CTNNA2: variants seen among roughly 807,000 people sequenced by gnomAD.
CTNNA2 encodes the protein catenin alpha 2, also known as catenin alpha-2.
In CTNNA2, 42 loss-of-function variants were observed where a neutral mutation model predicts 101.0. The ratio of observed to expected loss-of-function variants is 0.42; its 90% CI spans 0.32 to 0.54. The LOEUF is 0.54. Ranked by LOEUF, CTNNA2 falls within the 20% of genes least tolerant of loss-of-function variation. The pLI, the probability that CTNNA2 is intolerant of heterozygous loss-of-function variation, is 0.14. For missense variants in CTNNA2, 871 were observed against 1,223.1 expected, an observed-to-expected ratio of 0.71 and a Z score of 4.29; for synonymous variants, 450 against 456.4, an observed-to-expected ratio of 0.99 and a Z score of 0.18.
At chr2:79,957,204 A>T (rs1689298844) in intron 7 of CTNNA2, among the ~76,000 whole-genome samples, 1 of 152,158 alleles carries the variant, frequency 6.6e-6, no homozygotes, top group Non-Finnish European at 1.5e-5. Flanking sequence ...CAGCTTCTCC[A>T]AATCCCGATG....
At chr2:79,626,446 G>A (rs1048960978) in intron 1 of CTNNA2, among the ~76,000 whole-genome samples, 2 of 152,120 alleles carry the variant, frequency 1.3e-5, no homozygotes, top group Admixed American at 6.6e-5. Flanking sequence ...AAATTTCACC[G>A]TTCCGTTCAC....
chr2:79,994,398 C>T (rs1163789997), intron 7 of CTNNA2, among the ~76,000 whole-genome samples: 7 of 152,118 alleles, frequency 4.6e-5, no homozygotes, highest in African/African-American at 1.7e-4. Context: ...CGCTTGTTTC[C>T]TCTTTTCCCC....
intron 7 of CTNNA2, among the ~76,000 whole-genome samples, chr2:79,971,253 A>G (rs890619285): frequency 6.6e-6 from 1 of 152,004 alleles, no homozygotes; most frequent in Non-Finnish European, 1.5e-5. Flanking sequence ...CTCACCTTCC[A>G]CTCAAAAATA....
At chr2:79,500,863 C>G (rs1246274986) in intron 4 of CTNNA2, 1 of 152,196 alleles carries the variant, frequency 6.6e-6, no homozygotes, top group Non-Finnish European at 1.5e-5. Flanking sequence ...GGTTTCAGCA[C>G]TGTCTAAACT....
chr2:79,662,826 C>CT lies in CTNNA2; in HGVS notation c.102+11169dup, dbSNP rs200301399. On this transcript the variant is annotated intron_variant, in intron 2 of 18. Coordinates refer to ENST00000402739, the MANE Select transcript of CTNNA2 (RefSeq NM_001282597.3). ...TTTCTTTCATTCTGAAAACAAAACT[C>CT]TAAGTCTTTCTTGTAACATGGATAT... Among the ~76,000 whole-genome samples the CT allele has an allele frequency of 3.5e-3, 536 of 152,296 alleles. 12 individuals are homozygous for CT. In the East Asian group the frequency reaches 0.048, roughly 14 times the overall value.
intron 2 of CTNNA2, among the ~76,000 whole-genome samples, chr2:79,200,480 G>A (rs1188929810): frequency 6.6e-6 from 1 of 152,122 alleles, no homozygotes. Flanking sequence ...CACTTTTGGG[G>A]TTCCATAAGG....
intron 3 of CTNNA2, among the ~76,000 whole-genome samples, chr2:79,361,151 G>A (rs1351815437): frequency 6.6e-6 from 1 of 152,082 alleles, no homozygotes; most frequent in Non-Finnish European, 1.5e-5. Flanking sequence ...ATCCTATATT[G>A]AGATCTGCAG....
chr2:79,876,251 G>A (rs1683015844), intron 6 of CTNNA2, among the ~76,000 whole-genome samples: 2 of 152,000 alleles, frequency 1.3e-5, no homozygotes, highest in Admixed American at 1.3e-4. Context: ...CTAGAATAAA[G>A]AATGAATGAG....
intron 2 of CTNNA2, among the ~76,000 whole-genome samples, chr2:79,227,170 C>T (rs1049431999): frequency 6.6e-6 from 1 of 152,054 alleles, no homozygotes; most frequent in Non-Finnish European, 1.5e-5. Context: ...AGTTCATGCT[C>T]TTGACAGGGA....
At chr2:79,389,604 A>G (rs1317542346) in intron 4 of CTNNA2, among the ~76,000 whole-genome samples, 2 of 152,222 alleles carry the variant, frequency 1.3e-5, no homozygotes, top group African/African-American at 4.8e-5. Context: ...GAAGTTTTGT[A>G]TTCTCCCAAA....
At chr2:80,451,750 G>A (rs979575883) in intron 9 of CTNNA2, among the ~76,000 whole-genome samples, 3 of 152,094 alleles carry the variant, frequency 2.0e-5, no homozygotes, top group African/African-American at 7.2e-5. Flanking sequence ...AAATGTTTGA[G>A]TCTTATTTGG....
At chr2:79,204,373 A>G in intron 2 of CTNNA2, among the ~76,000 whole-genome samples, 1 of 151,864 alleles carries the variant, frequency 6.6e-6, no homozygotes, top group Non-Finnish European at 1.5e-5. Flanking sequence ...ATTTTTTTCT[A>G]CTCCTAATGT....
chr2:80,252,041 C>G (rs956535771), intron 7 of CTNNA2, among the ~76,000 whole-genome samples: 1 of 152,164 alleles, frequency 6.6e-6, no homozygotes, highest in Admixed American at 6.5e-5. Flanking sequence ...ACTTTTAAAA[C>G]TTTCTAGAGT....
chr2:80,282,811 A>G (rs1349278596), intron 7 of CTNNA2, among the ~76,000 whole-genome samples: 1 of 152,154 alleles, frequency 6.6e-6, no homozygotes, highest in Admixed American at 6.5e-5. Context: ...GCTTCTCTAG[A>G]TGAGTAGACC....
At chr2:80,378,021 A>C (rs1676129437) in intron 7 of CTNNA2, among the ~76,000 whole-genome samples, 1 of 152,102 alleles carries the variant, frequency 6.6e-6, no homozygotes, top group South Asian at 2.1e-4. Flanking sequence ...TCCCTGACAT[A>C]GTTTAAACTC....
At chr2:80,349,298 A>T (rs970774865) in intron 7 of CTNNA2, among the ~76,000 whole-genome samples, 2 of 152,182 alleles carry the variant, frequency 1.3e-5, no homozygotes. Context: ...CTTTGCTCCC[A>T]ATGGCTTCAT....
chr2:79,812,266 T>C (rs1044565913), intron 3 of CTNNA2, among the ~76,000 whole-genome samples: 5 of 152,160 alleles, frequency 3.3e-5, no homozygotes, highest in South Asian at 2.1e-4. Flanking sequence ...ACTTCCATTA[T>C]CATGGTGAAT....
chr2:79,976,470 A>G (rs749140880), intron 7 of CTNNA2, among the ~76,000 whole-genome samples: 1 of 152,222 alleles, frequency 6.6e-6, no homozygotes, highest in Non-Finnish European at 1.5e-5. Context: ...TGCTTTCTCT[A>G]GATGGCTGCA....
At chr2:79,432,216 T>C (rs1678666163) in intron 4 of CTNNA2, among the ~76,000 whole-genome samples, 1 of 152,154 alleles carries the variant, frequency 6.6e-6, no homozygotes, top group South Asian at 2.1e-4. Flanking sequence ...CGACAAGTAT[T>C]TGCAAAGTAC....
Sources: allele counts gnomAD v4.1 joint callset (sites outside exome capture counted in the v4.1 genomes callset), GRCh38; gene constraint gnomAD v4.1.1; transcripts MANE v1.5; gene names NCBI Gene and HGNC (gene_info 2026-07-23, HGNC 2026-07-21).